VAV2: variants seen among roughly 807,000 people sequenced by gnomAD.
VAV2 encodes the protein vav guanine nucleotide exchange factor 2, also known as guanine nucleotide exchange factor VAV2.
A neutral mutation model predicts 132.5 loss-of-function variants in VAV2; 67 were observed. The observed-to-expected ratio is 0.51, with a 90% CI of 0.42 to 0.62. The LOEUF is 0.62. VAV2 is among the 20% of genes least tolerant of loss of function. The probability of loss-of-function intolerance (pLI) is 0.00; values close to 1 mark genes in which losing one functional copy is unlikely to be tolerated. For missense variants in VAV2, 938 were observed against 1,153.6 expected, an observed-to-expected ratio of 0.81 and a Z score of 2.71; for synonymous variants, 492 against 443.5, an observed-to-expected ratio of 1.11 and a Z score of -1.37.
At chr9:133,835,521 G>A (rs960779617) in intron 3 of VAV2, among the ~76,000 whole-genome samples, 3 of 152,296 alleles carry the variant, frequency 2.0e-5, no homozygotes, top group South Asian at 2.1e-4. Context: ...GAGGAGACAC[G>A]AAAGGCCCCT....
rs10123766 is a variant in VAV2, at chr9:133,912,960, G to A, written c.321+26143C>T. Among the ~76,000 whole-genome samples, 2,924 of 152,280 alleles carry A rather than the reference G, an allele frequency of 0.019. 99 individuals carry two copies. The highest frequency in any genetic ancestry group is 0.066 in the African/African-American group (2,736 of 41,548). ...CAGCACAGTCCACGGGCGGTGGAGT[G>A]CCATTTGGAACCGGGTTTGGGAGGC... On this transcript the variant is annotated intron_variant, in intron 2 of 29. Coordinates refer to ENST00000371850, the MANE Select transcript of VAV2 (RefSeq NM_001134398.2). The surrounding 1 kb of genome is among the most constrained non-coding windows in gnomAD (Gnocchi z 4.3).
chr9:133,915,080 CTTGGCCGGAAGAGCACCGGCCTG>C (rs2132056963), intron 2 of VAV2, among the ~76,000 whole-genome samples: 1 of 152,254 alleles, frequency 6.6e-6, no homozygotes, highest in Admixed American at 6.5e-5. Context: ...AAACAGGCCG[CTTGGCCGGAAGAGCACCGGCCTG>C]TTCTCCATTA....
intron 19 of VAV2, among the ~76,000 whole-genome samples, chr9:133,781,176 G>C (rs1335147931): frequency 6.6e-6 from 1 of 152,230 alleles, no homozygotes; most frequent in Non-Finnish European, 1.5e-5. Flanking sequence ...CAAGTGATGA[G>C]GAGGCATTGG....
chr9:133,968,315 A>C (rs1449613226), intron 1 of VAV2, among the ~76,000 whole-genome samples: 1 of 152,162 alleles, frequency 6.6e-6, no homozygotes, highest in Non-Finnish European at 1.5e-5. Flanking sequence ...CATACCCCAT[A>C]AACAATGGCA....
chr9:133,857,954 C>T lies in VAV2; in HGVS notation c.380+3420G>A, dbSNP rs1296006024. Among the ~76,000 whole-genome samples, 2 of 152,236 alleles carry T rather than the reference C, an allele frequency of 1.3e-5. No individual in the cohort carries two copies. The highest frequency in any genetic ancestry group is 1.3e-4 in the Admixed American group (2 of 15,288). On this transcript the variant is annotated intron_variant, in intron 3 of 29. Coordinates refer to ENST00000371850, the MANE Select transcript of VAV2 (RefSeq NM_001134398.2). The surrounding 1 kb of genome is among the most constrained non-coding windows in gnomAD (Gnocchi z 4.0). ...TCTTCCTGCAAAGCCTCGCTCTGCGCCCAGGAGGCCCTTCCCTTTGGCCTG... is the reference window on the plus strand; with the variant it reads ...TCTTCCTGCAAAGCCTCGCTCTGCGTCCAGGAGGCCCTTCCCTTTGGCCTG...
chr9:133,904,626 C>T (rs1036411842), intron 2 of VAV2, among the ~76,000 whole-genome samples: 5 of 152,258 alleles, frequency 3.3e-5, no homozygotes, highest in East Asian at 3.9e-4. Context: ...CCAGTGGAGT[C>T]GGACGACATG....
intron 24 of VAV2, among the ~76,000 whole-genome samples, chr9:133,775,284 T>C (rs187106061): frequency 5.7e-4 from 87 of 152,218 alleles, no homozygotes; most frequent in Middle Eastern, 6.8e-3. Flanking sequence ...TCAGGACAGA[T>C]CTTGAGAGGG....
At chr9:133,835,841 G>A (rs1294272922) in intron 3 of VAV2, among the ~76,000 whole-genome samples, 2 of 152,214 alleles carry the variant, frequency 1.3e-5, no homozygotes, top group African/African-American at 2.4e-5. Context: ...CAGACCTGCA[G>A]GGACTGGGCC....
chr9:133,779,199 C>T (rs1041591983), intron 21 of VAV2, among the ~76,000 whole-genome samples: 3 of 152,244 alleles, frequency 2.0e-5, no homozygotes, highest in African/African-American at 7.2e-5. Context: ...GGGCAGAAGA[C>T]GGGGGATCCC....
chr9:133,985,100 CAG>C (rs1284458239), intron 1 of VAV2, among the ~76,000 whole-genome samples: 3 of 152,050 alleles, frequency 2.0e-5, no homozygotes, highest in Admixed American at 6.6e-5. Flanking sequence ...CATATGGATA[CAG>C]AGACACATAC....
intron 2 of VAV2, among the ~76,000 whole-genome samples, chr9:133,893,690 G>T (rs905049083): frequency 1.3e-5 from 2 of 152,216 alleles, no homozygotes; most frequent in African/African-American, 4.8e-5. Flanking sequence ...GCCTTCCTCC[G>T]TCGCCACACG....
intron 4 of VAV2, among the ~76,000 whole-genome samples, chr9:133,832,947 CA>C (rs1268143098): frequency 6.6e-6 from 1 of 152,138 alleles, no homozygotes; most frequent in Non-Finnish European, 1.5e-5. Context: ...CTGTGACCTG[CA>C]TGGCCCCTGT....
intron 2 of VAV2, among the ~76,000 whole-genome samples, chr9:133,936,718 G>A (rs1247839456): frequency 1.3e-5 from 2 of 152,178 alleles, no homozygotes; most frequent in East Asian, 3.9e-4. Flanking sequence ...CAGCCCGGGG[G>A]TCTGCACGGT....
At chr9:133,871,583 GAA>G (rs1838057992) in intron 2 of VAV2, among the ~76,000 whole-genome samples, 1 of 152,062 alleles carries the variant, frequency 6.6e-6, no homozygotes, top group Non-Finnish European at 1.5e-5. Context: ...AGTAAGGAGA[GAA>G]GAGAGAGAAG....
chr9:133,837,216 C>G (rs1219902542), intron 3 of VAV2, among the ~76,000 whole-genome samples: 1 of 152,230 alleles, frequency 6.6e-6, no homozygotes, highest in African/African-American at 2.4e-5. Flanking sequence ...GGGGGCCCAA[C>G]AGTGGCAGCT....
chr9:133,985,734 G>C (rs563589542), intron 1 of VAV2, among the ~76,000 whole-genome samples: 2 of 152,172 alleles, frequency 1.3e-5, no homozygotes, highest in Non-Finnish European at 2.9e-5. Flanking sequence ...AGTCAGGCAC[G>C]GTATTCACAT....
Position 133,857,202 on chromosome 9 carries a change from C to T in VAV2, c.380+4172G>A, listed in dbSNP as rs1346922732. 6.6e-6 allele frequency among the ~76,000 whole-genome samples: 1 copy of T among 152,172 alleles called. No individual in the cohort carries two copies. Among genetic ancestry groups the T allele is most frequent in the Non-Finnish European group, 1.5e-5 (1 of 68,018 alleles). Reference sequence around the variant, plus strand: ...GAGCTGTGATGACCCCAAATTAGGGCACCCCCAATCTGGAGGGCTAGCTCT... The same window carrying T: ...GAGCTGTGATGACCCCAAATTAGGGTACCCCCAATCTGGAGGGCTAGCTCT... On this transcript the variant is annotated intron_variant, in intron 3 of 29. Transcript: ENST00000371850. This position sits in a 1 kb window ranked among gnomAD's most constrained non-coding sequence, Gnocchi z 4.0.
chr9:133,942,526 G>A (rs1156943413), intron 1 of VAV2, among the ~76,000 whole-genome samples: 2 of 152,268 alleles, frequency 1.3e-5, no homozygotes, highest in Admixed American at 6.5e-5. Context: ...TCATCTGCGC[G>A]GCTGCATGTG....
chr9:133,780,296 G>A (rs1588164260), intron 20 of VAV2, among the ~76,000 whole-genome samples: 1 of 152,210 alleles, frequency 6.6e-6, no homozygotes, highest in East Asian at 1.9e-4. Context: ...CCTCCATGGA[G>A]GCTGGTTCAT....
Sources: allele counts gnomAD v4.1 joint callset (sites outside exome capture counted in the v4.1 genomes callset), GRCh38; gene constraint gnomAD v4.1.1; non-coding constraint Gnocchi (gnomAD v3.1); transcripts MANE v1.5; gene names NCBI Gene and HGNC (gene_info 2026-07-23, HGNC 2026-07-21).